Variants in OSBPL10 observed in about 807,000 individuals in gnomAD.
The protein encoded by OSBPL10 is oxysterol-binding protein-related protein 10.
A neutral mutation model predicts 81.7 loss-of-function variants in OSBPL10; 49 were observed. The ratio of observed to expected loss-of-function variants is 0.60; its 90% CI spans 0.48 to 0.76. OSBPL10 has a LOEUF of 0.76. OSBPL10 is among the 30% of genes least tolerant of loss of function. The pLI, the probability that OSBPL10 is intolerant of heterozygous loss-of-function variation, is 0.00. For synonymous variants in OSBPL10, 419 were observed against 383.6 expected (o/e 1.09, Z -1.08); for missense variants, 923 against 987.8 (o/e 0.93, Z 0.88).
intron 5 of OSBPL10, 83 bp downstream of exon 5, chr3:31,747,827 T>C (rs1233222418): frequency 1.5e-6 from 2 of 1,368,188 alleles, no homozygotes; most frequent in Non-Finnish European, 2.1e-6. Context: ...GAGAAATGGA[T>C]GGAATTAAAG....
intron 1 of OSBPL10, chr3:32,066,678 A>G (rs927239222): frequency 6.6e-6 from 1 of 152,238 alleles, no homozygotes; most frequent in African/African-American, 2.4e-5. Flanking sequence ...GACAGTTTGC[A>G]ACCTAAGATT....
At chr3:31,702,306 T>C (rs1365503937) in intron 7 of OSBPL10, 53 bp downstream of exon 7, 3 of 1,588,926 alleles carry the variant, frequency 1.9e-6, no homozygotes, top group African/African-American at 1.3e-5. Context: ...GGCTTGAGGA[T>C]AGAGACAGAA....
chr3:31,978,906 T>C (rs1026555552), intron 1 of OSBPL10, among the ~76,000 whole-genome samples: 1 of 152,194 alleles, frequency 6.6e-6, no homozygotes. Context: ...TGCAAAAGAA[T>C]GTTACTCCAA....
rs548368322 is a variant in OSBPL10 at position 31,704,509 on chromosome 3, T to C, written c.1096-2001A>G. On this transcript the variant is annotated intron_variant, in intron 6 of 11. Coordinates refer to ENST00000396556, the MANE Select transcript of OSBPL10 (RefSeq NM_017784.5). ...AAAACCAAGTGAAATCCAACCACCA[T>C]GGTGTACCCAACAGGTGGAGTGGGC... is the stretch of plus-strand genomic sequence containing the variant. The C allele has an allele frequency of 2.0e-5, 3 of 152,370 alleles. 1 individual carries two copies. The South Asian group carries it at 6.2e-4, about 32-fold the overall frequency. The allele number at this position is 152,370 out of a possible 1,614,324, so 9.4% of individuals were successfully genotyped here.
At chr3:31,769,517 T>C (rs1213464723) in intron 4 of OSBPL10, among the ~76,000 whole-genome samples, 9 of 137,628 alleles carry the variant, frequency 6.5e-5, no homozygotes, top group East Asian at 2.0e-4. Context: ...TATATTTTTA[T>C]ATTATAACTC....
intron 1 of OSBPL10, among the ~76,000 whole-genome samples, chr3:31,965,305 G>C (rs748057719): frequency 1.3e-3 from 193 of 146,254 alleles, no homozygotes; most frequent in Admixed American, 3.9e-3. Flanking sequence ...AGGAGGCAGA[G>C]CTTGCAGGGA....
intron 1 of OSBPL10, among the ~76,000 whole-genome samples, chr3:32,050,452 T>C (rs1000720156): frequency 5.3e-5 from 8 of 152,224 alleles, no homozygotes; most frequent in African/African-American, 1.9e-4. Flanking sequence ...TTCTTGAATC[T>C]TCCTTTCTCT....
intron 2 of OSBPL10, among the ~76,000 whole-genome samples, chr3:31,877,268 T>A (rs909035825): frequency 6.6e-6 from 1 of 152,154 alleles, no homozygotes; most frequent in African/African-American, 2.4e-5. Context: ...TTATTAACAT[T>A]TACAAAATAA....
intron 4 of OSBPL10, chr3:31,795,940 T>A (rs1263817694): frequency 1.3e-5 from 3 of 233,346 alleles, no homozygotes; most frequent in African/African-American, 4.6e-5. Context: ...GCCATATGAA[T>A]GCAATGAACA....
At chr3:31,974,342 ACTCT>A (rs1268416499) in intron 1 of OSBPL10, among the ~76,000 whole-genome samples, 1 of 151,894 alleles carries the variant, frequency 6.6e-6, no homozygotes, top group Non-Finnish European at 1.5e-5. Flanking sequence ...ACTGTGGAAA[ACTCT>A]CTGCTAGTAT....
intron 4 of OSBPL10, chr3:31,795,016 T>A (rs1485595976): frequency 4.1e-6 from 1 of 246,680 alleles, no homozygotes; most frequent in Non-Finnish European, 8.7e-6. Flanking sequence ...CTTGCCCAGC[T>A]TGGGATTACA....
chr3:31,717,370 A>T (rs1390903630), intron 6 of OSBPL10, among the ~76,000 whole-genome samples: 2 of 152,206 alleles, frequency 1.3e-5, no homozygotes, highest in African/African-American at 2.4e-5. Flanking sequence ...AACAACCCAA[A>T]GCTCAGGTCT....
intron 3 of OSBPL10, among the ~76,000 whole-genome samples, chr3:31,872,432 C>T (rs931056180): frequency 1.3e-4 from 20 of 149,796 alleles, no homozygotes; most frequent in African/African-American, 2.5e-4. Flanking sequence ...AAAGCCAATA[C>T]GTGTTTTGTT....
At chr3:31,725,952 A>T (rs532091377) in intron 6 of OSBPL10, among the ~76,000 whole-genome samples, 72 of 152,336 alleles carry the variant, frequency 4.7e-4, no homozygotes, top group Non-Finnish European at 8.2e-4. Flanking sequence ...CAAAGAATTA[A>T]GTCTATGAGA....
Position 31,972,135 on chromosome 3 carries a change from T to A in OSBPL10, c.281+8764A>T, listed in dbSNP as rs976578567. On this transcript the variant is annotated intron_variant, in intron 1 of 11. Transcript: ENST00000396556. ...CGGGCACAGTGGCTCACGCCTGTAATCCCAGCACTTCGGGAGGCCAAGGCG... is the reference window on the plus strand; with the variant it reads ...CGGGCACAGTGGCTCACGCCTGTAAACCCAGCACTTCGGGAGGCCAAGGCG... 2.0e-5 allele frequency among the ~76,000 whole-genome samples: 3 copies of A among 152,188 alleles called. No individual in the cohort carries two copies. The East Asian group carries it at 5.8e-4, about 29-fold the overall frequency.
intron 1 of OSBPL10, among the ~76,000 whole-genome samples, chr3:31,890,675 A>G (rs1407710489): frequency 6.6e-6 from 1 of 152,196 alleles, no homozygotes; most frequent in East Asian, 1.9e-4. Flanking sequence ...AGTTGATTTA[A>G]GCCCGAAAGA....
intron 1 of OSBPL10, among the ~76,000 whole-genome samples, chr3:31,959,283 A>G (rs2125459540): frequency 6.6e-6 from 1 of 152,332 alleles, no homozygotes; most frequent in East Asian, 1.9e-4. Context: ...TTGCAGCACT[A>G]TAAACAGTGT....
chr3:32,060,123 A>G (rs1426914083), intron 1 of OSBPL10, among the ~76,000 whole-genome samples: 1 of 152,050 alleles, frequency 6.6e-6, no homozygotes, highest in African/African-American at 2.4e-5. Context: ...ACATTTCTGT[A>G]TGCACCTTTT....
intron 4 of OSBPL10, among the ~76,000 whole-genome samples, chr3:31,748,970 G>A (rs546921507): frequency 1.3e-5 from 2 of 152,110 alleles, no homozygotes; most frequent in Admixed American, 6.5e-5. Context: ...AAAGTGCTTC[G>A]GCACCATGTC....
Sources: allele counts gnomAD v4.1 joint callset (sites outside exome capture counted in the v4.1 genomes callset), GRCh38; gene constraint gnomAD v4.1.1; transcripts MANE v1.5; gene names NCBI Gene and HGNC (gene_info 2026-07-23, HGNC 2026-07-21).